The following MAML3 variants were observed in gnomAD, a reference collection of about 807,000 sequenced individuals.
The protein encoded by MAML3 is mastermind like transcriptional coactivator 3, also known as mastermind-like protein 3.
Under a neutral mutation model 101.9 loss-of-function variants are expected in MAML3, and 27 were observed. The ratio of observed to expected loss-of-function variants is 0.27; its 90% CI spans 0.20 to 0.37. The LOEUF is 0.37. Among genes scored for constraint, MAML3 ranks in the 10% least tolerant of loss-of-function variants. The pLI is 1.00. For synonymous variants in MAML3, 501 were observed against 555.9 expected (o/e 0.90, Z 1.39); for missense variants, 1,316 against 1,444.9 (o/e 0.91, Z 1.45).
At chr4:139,832,094 CTTTTTTTTTTTTTTTTTTT>C (rs70943444) in intron 2 of MAML3, among the ~76,000 whole-genome samples, 1 of 64,680 alleles carries the variant, frequency 1.5e-5, no homozygotes, top group Admixed American at 2.7e-4. Flanking sequence ...TGCCCAGCCC[CTTTTTTTTTTTTTTTTTTT>C]TTTTTTTTTG....
chr4:139,999,784 T>C (rs1280866027), intron 1 of MAML3, among the ~76,000 whole-genome samples: 1 of 152,226 alleles, frequency 6.6e-6, no homozygotes, highest in African/African-American at 2.4e-5. Context: ...TGGATTGTTT[T>C]CTTATAAGGG....
At chr4:139,883,109 G>T (rs1732250850) in intron 2 of MAML3, among the ~76,000 whole-genome samples, 1 of 152,144 alleles carries the variant, frequency 6.6e-6, no homozygotes, top group South Asian at 2.1e-4. Flanking sequence ...ATGGTGAAGG[G>T]TGATTGCAAG....
chr4:139,828,731 T>TAAAAAA (rs1229224315), intron 2 of MAML3, among the ~76,000 whole-genome samples: 86 of 77,096 alleles, frequency 1.1e-3, no homozygotes, highest in African/African-American at 3.5e-3. Context: ...TTTTTTTTTT[T>TAAAAAA]TAAAAACATA....
At chr4:139,997,965 T>C (rs1245394806) in intron 1 of MAML3, among the ~76,000 whole-genome samples, 1 of 152,206 alleles carries the variant, frequency 6.6e-6, no homozygotes, top group Non-Finnish European at 1.5e-5. Context: ...CAATGTCTTC[T>C]CTTTGAACAA....
At chr4:139,766,328 T>G (rs1037429523) in intron 2 of MAML3, among the ~76,000 whole-genome samples, 7 of 152,120 alleles carry the variant, frequency 4.6e-5, no homozygotes, top group Non-Finnish European at 1.5e-5. Context: ...CCCACCACCA[T>G]GCCCAGCTAA....
At chr4:139,929,442 G>A (rs1456675658) in intron 1 of MAML3, among the ~76,000 whole-genome samples, 2 of 152,266 alleles carry the variant, frequency 1.3e-5, no homozygotes, top group Non-Finnish European at 2.9e-5. Context: ...TTATGACTCC[G>A]AGGCTTTTAC....
intron 1 of MAML3, among the ~76,000 whole-genome samples, chr4:139,912,741 T>C (rs1297119768): frequency 6.6e-6 from 1 of 152,212 alleles, no homozygotes. Context: ...AGCTAAGGAA[T>C]GCCAAAGACT....
At chr4:139,813,620 T>C (rs572167562) in intron 2 of MAML3, among the ~76,000 whole-genome samples, 2 of 152,210 alleles carry the variant, frequency 1.3e-5, no homozygotes, top group Non-Finnish European at 2.9e-5. Context: ...ACTTCTCATG[T>C]ACCCTTTCTC....
intron 1 of MAML3, among the ~76,000 whole-genome samples, chr4:140,044,022 T>C (rs983841457): frequency 2.6e-5 from 4 of 152,196 alleles, no homozygotes; most frequent in African/African-American, 9.7e-5. Context: ...CCGTTCATTT[T>C]TCATGGAGAT....
intron 1 of MAML3, among the ~76,000 whole-genome samples, chr4:139,982,521 A>C (rs1447737036): frequency 2.6e-5 from 4 of 152,144 alleles, no homozygotes; most frequent in Non-Finnish European, 4.4e-5. Flanking sequence ...AGGCCCTTTC[A>C]ATTGACAGAG....
chr4:140,018,783 T>C (rs1327600027), intron 1 of MAML3, among the ~76,000 whole-genome samples: 7 of 152,222 alleles, frequency 4.6e-5, no homozygotes, highest in African/African-American at 7.2e-5. Context: ...TTTTGGGACA[T>C]AGTGTTTTTA....
intron 1 of MAML3, among the ~76,000 whole-genome samples, chr4:139,968,309 T>TAAAAAAAA (rs60977680): frequency 9.4e-6 from 1 of 106,304 alleles, no homozygotes; most frequent in African/African-American, 3.4e-5. Flanking sequence ...GGCTCTGTCT[T>TAAAAAAAA]AAAAAAAAAA....
chr4:140,030,058 G>T (rs1434538015), intron 1 of MAML3, among the ~76,000 whole-genome samples: 1 of 152,084 alleles, frequency 6.6e-6, no homozygotes, highest in East Asian at 1.9e-4. Context: ...TAAGGATATT[G>T]TTTTTCCCCA....
intron 2 of MAML3, among the ~76,000 whole-genome samples, chr4:139,741,418 C>A (rs1176173015): frequency 1.3e-5 from 2 of 152,108 alleles, no homozygotes; most frequent in Non-Finnish European, 2.9e-5. Flanking sequence ...ACTGAGAAAT[C>A]CTGAGAGGAT....
chr4:140,065,827 C>T (rs1325877869), intron 1 of MAML3, among the ~76,000 whole-genome samples: 5 of 152,168 alleles, frequency 3.3e-5, no homozygotes, highest in Non-Finnish European at 7.3e-5. Context: ...ACCTCACCAC[C>T]ACGATTCCCA....
chr4:140,102,784 C>T (rs139195677), intron 1 of MAML3, among the ~76,000 whole-genome samples: 48 of 152,274 alleles, frequency 3.2e-4, no homozygotes, highest in African/African-American at 1.1e-3. Flanking sequence ...GATTACTATC[C>T]GTGGTACTTC....
At chr4:140,016,799 A>T (rs1340801749) in intron 1 of MAML3, among the ~76,000 whole-genome samples, 1 of 152,232 alleles carries the variant, frequency 6.6e-6, no homozygotes, top group Non-Finnish European at 1.5e-5. Flanking sequence ...CACACCTTAT[A>T]CAGAAAGTAT....
intron 1 of MAML3, among the ~76,000 whole-genome samples, chr4:139,930,793 T>A (rs1733375565): frequency 6.6e-6 from 1 of 152,176 alleles, no homozygotes; most frequent in African/African-American, 2.4e-5. Context: ...TATTTACTAG[T>A]TTCATGTTAG....
At chr4:139,819,079 C>T (rs994933731) in intron 2 of MAML3, among the ~76,000 whole-genome samples, 8 of 151,902 alleles carry the variant, frequency 5.3e-5, no homozygotes, top group African/African-American at 1.5e-4. Context: ...AATGTAAGGC[C>T]GAATAAAATA....
Sources: gnomAD v4.1 joint callset for allele counts (sites outside exome capture counted in the v4.1 genomes callset) on GRCh38, gnomAD v4.1.1 for gene constraint, MANE v1.5 for transcripts, NCBI Gene and HGNC (gene_info 2026-07-23, HGNC 2026-07-21) for gene names.